Variants in MAGI2 observed in about 807,000 individuals in gnomAD.
The protein encoded by MAGI2 is membrane-associated guanylate kinase, WW and PDZ domain-containing protein 2.
In MAGI2, 35 loss-of-function variants were observed where a neutral mutation model predicts 133.3. The ratio of observed to expected loss-of-function variants is 0.26; its 90% CI spans 0.20 to 0.35. The LOEUF (loss-of-function observed/expected upper bound fraction) is 0.35. Ranked by LOEUF, MAGI2 falls within the 10% of genes least tolerant of loss-of-function variation. MAGI2 has a pLI of 1.00. For synonymous variants in MAGI2, 729 were observed against 710.6 expected, an observed-to-expected ratio of 1.03 and a Z score of -0.41; for missense variants, 1,636 against 1,863.4, an observed-to-expected ratio of 0.88 and a Z score of 2.25.
At chr7:78,316,582 C>T (rs1411876929) in intron 9 of MAGI2, among the ~76,000 whole-genome samples, 1 of 152,150 alleles carries the variant, frequency 6.6e-6, no homozygotes, top group African/African-American at 2.4e-5. Flanking sequence ...CAGAATCCAC[C>T]TATTACAAAG....
chr7:78,510,188 C>T (rs1349455167), intron 4 of MAGI2, among the ~76,000 whole-genome samples: 1 of 152,120 alleles, frequency 6.6e-6, no homozygotes, highest in African/African-American at 2.4e-5. Flanking sequence ...CAACAGTCTC[C>T]ATAAGAAGCA....
chr7:78,249,961 A>C (rs2150933908), intron 10 of MAGI2, among the ~76,000 whole-genome samples: 1 of 152,206 alleles, frequency 6.6e-6, no homozygotes, highest in South Asian at 2.1e-4. Context: ...TACCCCATAA[A>C]TATGTATAAT....
intron 1 of MAGI2, among the ~76,000 whole-genome samples, chr7:79,062,547 G>A (rs1429183638): frequency 1.3e-5 from 2 of 152,020 alleles, no homozygotes; most frequent in Non-Finnish European, 2.9e-5. Flanking sequence ...ATTAATCCTT[G>A]TTTTGAAAAA....
intron 1 of MAGI2, among the ~76,000 whole-genome samples, chr7:79,219,186 G>A (rs1230316083): frequency 6.6e-6 from 1 of 151,938 alleles, no homozygotes; most frequent in Non-Finnish European, 1.5e-5. Context: ...TATTATTGCT[G>A]CCAAAAGCAA....
In MAGI2 at chr7:78,577,771, C is replaced by T. The variant is rs149787343; in HGVS notation, c.538+49349G>A. Among the ~76,000 whole-genome samples the T allele has an allele frequency of 2.6e-5, 4 of 152,190 alleles. No homozygotes were observed. In the East Asian group the frequency reaches 5.8e-4, roughly 22 times the overall value. ...AGTTAAGGCAGGAACAGGCCATTCTCACTTCTTTTGTGGTGGAATGTCATC... is the reference window on the plus strand; with the variant it reads ...AGTTAAGGCAGGAACAGGCCATTCTTACTTCTTTTGTGGTGGAATGTCATC... On this transcript the variant is annotated intron_variant, in intron 3 of 21. Coordinates refer to ENST00000354212, the MANE Select transcript of MAGI2 (RefSeq NM_012301.4).
intron 2 of MAGI2, among the ~76,000 whole-genome samples, chr7:78,717,121 C>T (rs1298869056): frequency 6.6e-6 from 1 of 152,120 alleles, no homozygotes; most frequent in Non-Finnish European, 1.5e-5. Flanking sequence ...CCTACAACTG[C>T]CCCAGCCTGC....
intron 9 of MAGI2, among the ~76,000 whole-genome samples, chr7:78,268,091 T>C (rs1013605184): frequency 1.3e-5 from 2 of 152,100 alleles, no homozygotes; most frequent in African/African-American, 2.4e-5. Context: ...TTCTGTGTTA[T>C]ACTTTCCATT....
intron 11 of MAGI2, 150 bp downstream of exon 11, chr7:78,201,012 C>T: frequency 3.5e-6 from 2 of 563,610 alleles, no homozygotes; most frequent in Non-Finnish European, 6.2e-6. Context: ...GGGACAGATA[C>T]AAGACAAAAG....
intron 3 of MAGI2, among the ~76,000 whole-genome samples, chr7:78,622,910 C>G (rs372838690): frequency 6.6e-6 from 1 of 151,980 alleles, no homozygotes; most frequent in African/African-American, 2.4e-5. Flanking sequence ...ATAATCAGCT[C>G]TATGCACACT....
chr7:78,937,072 G>A lies in MAGI2; in HGVS notation c.418+70018C>T, dbSNP rs542669590. Among the ~76,000 whole-genome samples the A allele has an allele frequency of 5.3e-5, 8 of 151,842 alleles. No individual in the cohort carries two copies. In the South Asian group the frequency reaches 6.2e-4, roughly 12 times the overall value. On this transcript the variant is annotated intron_variant, in intron 2 of 21. Transcript: ENST00000354212. ...TAGAAAAATGGCTAATAGCAGTTCC[G>A]GGGAAGAAAAAATACTAGATGAACC...
intron 6 of MAGI2, among the ~76,000 whole-genome samples, chr7:78,464,295 C>T (rs1381746152): frequency 6.6e-6 from 1 of 152,140 alleles, no homozygotes; most frequent in East Asian, 1.9e-4. Flanking sequence ...AGAATTAATG[C>T]CTGCCAAATT....
intron 1 of MAGI2, among the ~76,000 whole-genome samples, chr7:79,065,084 A>G (rs1425090299): frequency 5.3e-5 from 8 of 152,030 alleles, no homozygotes; most frequent in African/African-American, 1.9e-4. Context: ...TTTGTGAGTC[A>G]CTGTATTTGT....
intron 2 of MAGI2, among the ~76,000 whole-genome samples, chr7:78,838,053 C>G (rs963173916): frequency 6.6e-5 from 10 of 152,098 alleles, no homozygotes; most frequent in Non-Finnish European, 1.5e-4. Context: ...CCTCATGCAT[C>G]TTTAATGCAT....
At chr7:79,216,481 C>T (rs1830044869) in intron 1 of MAGI2, among the ~76,000 whole-genome samples, 1 of 151,964 alleles carries the variant, frequency 6.6e-6, no homozygotes, top group East Asian at 1.9e-4. Flanking sequence ...TTAAGCTGTC[C>T]ATGGATGGCA....
At chr7:78,286,021 A>G (rs1403859461) in intron 9 of MAGI2, among the ~76,000 whole-genome samples, 1 of 152,174 alleles carries the variant, frequency 6.6e-6, no homozygotes, top group African/African-American at 2.4e-5. Flanking sequence ...TGAATTTAGT[A>G]GCTCAGTGTT....
intron 3 of MAGI2, among the ~76,000 whole-genome samples, chr7:78,568,904 G>C (rs1193399492): frequency 1.3e-5 from 2 of 152,018 alleles, no homozygotes; most frequent in African/African-American, 4.8e-5. Flanking sequence ...TCCTGCTCCA[G>C]GCAGCCTGAC....
chr7:78,303,207 G>A (rs62463911), intron 9 of MAGI2, among the ~76,000 whole-genome samples: 6 of 151,792 alleles, frequency 4.0e-5, no homozygotes, highest in East Asian at 1.9e-4. Context: ...GTGAAACCCC[G>A]TCTCTACTAA....
intron 3 of MAGI2, among the ~76,000 whole-genome samples, chr7:78,592,484 T>C (rs1804116795): frequency 6.6e-6 from 1 of 151,984 alleles, no homozygotes. Context: ...TAGAAGGCCC[T>C]AAAAGGGCAG....
intron 8 of MAGI2, 115 bp from the exon 9 acceptor site, chr7:78,344,075 T>C: frequency 1.2e-6 from 1 of 833,646 alleles, no homozygotes; most frequent in Non-Finnish European, 1.9e-6. Flanking sequence ...TGGGGGGTCT[T>C]ATACAGCAAA....
Sources: allele counts gnomAD v4.1 joint callset (sites outside exome capture counted in the v4.1 genomes callset), GRCh38; gene constraint gnomAD v4.1.1; transcripts MANE v1.5; gene names NCBI Gene and HGNC (gene_info 2026-07-23, HGNC 2026-07-21).